Variants in DGKG observed in about 807,000 individuals in gnomAD.
DGKG encodes the protein DAG kinase gamma.
DGKG carries 78 observed loss-of-function variants against 105.3 expected under a neutral mutation model. The ratio of observed to expected loss-of-function variants is 0.74; its 90% confidence interval spans 0.62 to 0.89. The LOEUF is 0.89. Ranked by LOEUF, DGKG falls within the 40% of genes least tolerant of loss-of-function variation. DGKG has a pLI of 0.00. For missense variants in DGKG, 958 were observed against 1,020.1 expected, an observed-to-expected ratio of 0.94 and a Z score of 0.83; for synonymous variants, 346 against 367.1, an observed-to-expected ratio of 0.94 and a Z score of 0.66.
intron 1 of DGKG, among the ~76,000 whole-genome samples, chr3:186,357,487 C>T (rs1345086820): frequency 6.6e-6 from 1 of 152,192 alleles, no homozygotes; most frequent in Non-Finnish European, 1.5e-5. Flanking sequence ...CTCAGTCTCT[C>T]CTATCAGCTT....
chr3:186,242,012 G>A (rs574307134), intron 20 of DGKG, among the ~76,000 whole-genome samples: 38 of 152,170 alleles, frequency 2.5e-4, no homozygotes, highest in African/African-American at 8.4e-4. Flanking sequence ...CTCTGCTGTC[G>A]GGGGAGGCAA....
chr3:186,228,251 G>A (rs1201954381), intron 20 of DGKG, among the ~76,000 whole-genome samples: 1 of 152,130 alleles, frequency 6.6e-6, no homozygotes, highest in Non-Finnish European at 1.5e-5. Context: ...GACTCCTCCA[G>A]GGCAGCAGAG....
intron 2 of DGKG, among the ~76,000 whole-genome samples, chr3:186,307,522 T>C (rs2284833): frequency 0.51 from 76,907 of 152,038 alleles, 20,382 homozygotes; most frequent in Non-Finnish European, 0.58. Context: ...TTCCCTTCAT[T>C]GGCTCCCACG....
intron 20 of DGKG, among the ~76,000 whole-genome samples, chr3:186,224,823 A>G (rs576629161): frequency 3.3e-5 from 5 of 150,960 alleles, no homozygotes; most frequent in Non-Finnish European, 7.4e-5. Context: ...CTGGAAGAAG[A>G]CAATCTGGGT....
intron 1 of DGKG, among the ~76,000 whole-genome samples, chr3:186,335,682 AGGTAACGCT>A (rs1246845365): frequency 6.6e-6 from 1 of 152,230 alleles, no homozygotes; most frequent in African/African-American, 2.4e-5. Context: ...AAATTAGCCA[AGGTAACGCT>A]ATATGCCAAT....
At chr3:186,187,909 A>G (rs1388269108) in intron 22 of DGKG, among the ~76,000 whole-genome samples, 1 of 152,136 alleles carries the variant, frequency 6.6e-6, no homozygotes, top group Non-Finnish European at 1.5e-5. Context: ...GGAACTGACT[A>G]TTGGATTTAG....
chr3:186,302,531 T>C (rs59692062), intron 3 of DGKG, among the ~76,000 whole-genome samples: 4,066 of 37,874 alleles, frequency 0.11, 277 homozygotes, highest in African/African-American at 0.31. Flanking sequence ...TATATATATA[T>C]ACATATGTAT....
intron 20 of DGKG, among the ~76,000 whole-genome samples, chr3:186,214,188 C>T (rs372764017): frequency 9.2e-5 from 14 of 152,298 alleles, no homozygotes; most frequent in South Asian, 6.2e-4. Flanking sequence ...AGGTCAGCAT[C>T]GCAGAATAAC....
At chr3:186,217,483 C>A (rs898562184) in intron 20 of DGKG, among the ~76,000 whole-genome samples, 2 of 152,218 alleles carry the variant, frequency 1.3e-5, no homozygotes, top group African/African-American at 4.8e-5. Context: ...ACAGTGACAC[C>A]ATGGCTCAAC....
rs550094334 is a variant in DGKG at position 186,309,455 on chromosome 3, A to G, written c.68-2478T>C. ...TAATATAACCAGCTCTCTGTTTTCT[A>G]AAGACCACTCTGGAAACAGGATGAA... On this transcript the variant is annotated intron_variant, in intron 2 of 24. Coordinates refer to ENST00000265022, the MANE Select transcript of DGKG (RefSeq NM_001346.3). Among the ~76,000 whole-genome samples the G allele has an allele frequency of 8.5e-4, 129 of 152,328 alleles. 2 individuals are homozygous for G. In the South Asian group the frequency reaches 0.026, roughly 31 times the overall value.
At chr3:186,312,259 G>C (rs537628579) in intron 2 of DGKG, among the ~76,000 whole-genome samples, 1 of 150,994 alleles carries the variant, frequency 6.6e-6, no homozygotes, top group South Asian at 2.1e-4. Context: ...ATATATGAGA[G>C]TGGAATTCTA....
intron 1 of DGKG, among the ~76,000 whole-genome samples, chr3:186,342,927 G>C (rs957390194): frequency 6.6e-6 from 1 of 151,758 alleles, no homozygotes. Context: ...ATCTGAAAAA[G>C]ACACTTAGAA....
Position 186,288,631 on chromosome 3 carries a change from T to C in DGKG, c.544+79A>G, listed in dbSNP as rs1723177405. On this transcript the variant is annotated intron_variant, in intron 6 of 24. Transcript: ENST00000265022. The stretch of plus-strand genomic sequence containing the variant: ...TCCGTGATATCAACTCAATCTCCAG[T>C]GTGTTTAGGAATAATGGATAGAACC... 3 of 1,446,498 alleles carry C rather than the reference T, an allele frequency of 2.1e-6. No individual in the cohort carries two copies. In the South Asian group the frequency reaches 3.7e-5, roughly 18 times the overall value. The allele number at this position is 1,446,498 out of a possible 1,614,324, so 89.6% of individuals were successfully genotyped here. A position where few individuals can be genotyped will look rare whatever the true frequency, so the allele number is the denominator to read the frequency against.
chr3:186,298,265 A>C, intron 3 of DGKG, 36 bp from the exon 4 acceptor site: 2 of 1,542,784 alleles, frequency 1.3e-6, no homozygotes, highest in Non-Finnish European at 1.7e-6. Flanking sequence ...CAGTGGAGAG[A>C]AGCAAAGGGA....
chr3:186,234,871 T>C (rs1720338263), intron 20 of DGKG, among the ~76,000 whole-genome samples: 1 of 152,194 alleles, frequency 6.6e-6, no homozygotes, highest in Non-Finnish European at 1.5e-5. Context: ...GAGAACTGCA[T>C]ACAAATATTA....
chr3:186,250,167 C>G (rs926757893), intron 19 of DGKG, among the ~76,000 whole-genome samples: 3 of 152,104 alleles, frequency 2.0e-5, no homozygotes, highest in African/African-American at 7.2e-5. Context: ...GATAATGATA[C>G]CTGCAGGACT....
chr3:186,278,909 G>C (rs893339583), intron 9 of DGKG, among the ~76,000 whole-genome samples: 7 of 152,166 alleles, frequency 4.6e-5, no homozygotes, highest in African/African-American at 1.7e-4. Flanking sequence ...GTCACCATTT[G>C]TGCTCCTACT....
chr3:186,225,169 A>G (rs544049812), intron 20 of DGKG, among the ~76,000 whole-genome samples: 2 of 151,932 alleles, frequency 1.3e-5, no homozygotes, highest in African/African-American at 4.8e-5. Context: ...GATTATATTA[A>G]TAGTTCCCTG....
intron 3 of DGKG, among the ~76,000 whole-genome samples, chr3:186,299,761 TC>T (rs1334138433): frequency 6.9e-6 from 1 of 144,630 alleles, no homozygotes; most frequent in African/African-American, 2.6e-5. Context: ...CTTTTTTTCT[TC>T]TTTTCTCTTT....
Sources: gnomAD v4.1 joint callset for allele counts (sites outside exome capture counted in the v4.1 genomes callset) on GRCh38, gnomAD v4.1.1 for gene constraint, MANE v1.5 for transcripts, NCBI Gene and HGNC (gene_info 2026-07-23, HGNC 2026-07-21) for gene names.